PDE4D: variants seen among roughly 807,000 people sequenced by gnomAD.
PDE4D encodes phosphodiesterase 4D.
Under a neutral mutation model 87.4 loss-of-function variants are expected in PDE4D, and 24 were observed. The ratio of observed to expected loss-of-function variants is 0.27; its 90% confidence interval spans 0.20 to 0.39. PDE4D has a LOEUF of 0.39. Among genes scored for constraint, PDE4D ranks in the 10% least tolerant of loss-of-function variants. The probability of loss-of-function intolerance (pLI) is 1.00; values close to 1 mark genes in which losing one functional copy is unlikely to be tolerated. For synonymous variants in PDE4D, 384 were observed against 383.2 expected, an observed-to-expected ratio of 1.00 and a Z score of -0.02; for missense variants, 714 against 1,041.0, an observed-to-expected ratio of 0.69 and a Z score of 4.32.
intron 5 of PDE4D, among the ~76,000 whole-genome samples, chr5:59,146,094 T>A (rs573158612): frequency 1.3e-5 from 2 of 152,302 alleles, no homozygotes; most frequent in South Asian, 4.1e-4. Flanking sequence ...GCCACTGCAC[T>A]CCAGCCTGGG....
At chr5:59,447,548 C>T (rs1798526602) in intron 1 of PDE4D, among the ~76,000 whole-genome samples, 1 of 152,128 alleles carries the variant, frequency 6.6e-6, no homozygotes, top group South Asian at 2.1e-4. Flanking sequence ...CAAATTATCA[C>T]AGGATAGATG....
intron 1 of PDE4D, among the ~76,000 whole-genome samples, chr5:60,343,688 C>T (rs958561099): frequency 2.0e-5 from 3 of 152,000 alleles, no homozygotes; most frequent in African/African-American, 7.2e-5. Flanking sequence ...ATGGGAACAC[C>T]AAGATATTTC....
In PDE4D at chr5:59,082,823, T is replaced by C. The variant is rs1349925174; in HGVS notation, c.809-43852A>G. On this transcript the variant is annotated intron_variant, in intron 5 of 14. Coordinates refer to ENST00000340635, the MANE Select transcript of PDE4D (RefSeq NM_001104631.2). ...CTTAATTATGCAATTCGAAATGTGA[T>C]GTCTACTTTCTTCTTGAAAGCATTT... 7.2e-5 allele frequency among the ~76,000 whole-genome samples: 11 copies of C among 152,280 alleles called. No homozygotes were observed. The East Asian group carries it at 2.1e-3, about 29-fold the overall frequency.
intron 1 of PDE4D, among the ~76,000 whole-genome samples, chr5:59,309,508 C>T (rs1772140706): frequency 6.6e-6 from 1 of 152,170 alleles, no homozygotes; most frequent in Non-Finnish European, 1.5e-5. Context: ...TCAGAAACTT[C>T]TCTTGCAAAC....
intron 1 of PDE4D, among the ~76,000 whole-genome samples, chr5:59,448,566 GTGTTT>G (rs1027069920): frequency 5.1e-4 from 77 of 152,284 alleles, no homozygotes; most frequent in Non-Finnish European, 1.1e-3. Flanking sequence ...AGTCTCAAAT[GTGTTT>G]TGTTTTGTTT....
At chr5:59,346,769 C>A (rs908198242) in intron 1 of PDE4D, among the ~76,000 whole-genome samples, 5 of 152,134 alleles carry the variant, frequency 3.3e-5, no homozygotes, top group Non-Finnish European at 5.9e-5. Flanking sequence ...CACTGAGGAC[C>A]TCCTGAACAA....
At chr5:60,356,773 T>G (rs1229076907) in intron 1 of PDE4D, among the ~76,000 whole-genome samples, 1 of 152,222 alleles carries the variant, frequency 6.6e-6, no homozygotes, top group Non-Finnish European at 1.5e-5. Context: ...TTTGCTTCAT[T>G]TAGCTTTCAT....
intron 1 of PDE4D, among the ~76,000 whole-genome samples, chr5:59,643,212 G>A (rs1245827055): frequency 6.6e-6 from 1 of 152,150 alleles, no homozygotes; most frequent in African/African-American, 2.4e-5. Context: ...CCAGCATAAG[G>A]AGGAGGGATC....
intron 1 of PDE4D, among the ~76,000 whole-genome samples, chr5:59,594,764 G>C (rs1826433454): frequency 6.6e-6 from 1 of 152,194 alleles, no homozygotes; most frequent in African/African-American, 2.4e-5. Context: ...AGACATGCCA[G>C]AGATGTTGGA....
intron 1 of PDE4D, among the ~76,000 whole-genome samples, chr5:59,813,445 TACACACACACACACACAC>T (rs35313403): frequency 7.0e-6 from 1 of 143,066 alleles, no homozygotes; most frequent in Admixed American, 7.4e-5. Context: ...CATACACTTG[TACACACACACACACACAC>T]ACACACACAC....
At chr5:60,406,160 T>C (rs1237022705) in intron 1 of PDE4D, among the ~76,000 whole-genome samples, 4 of 152,198 alleles carry the variant, frequency 2.6e-5, no homozygotes, top group African/African-American at 7.2e-5. Flanking sequence ...TGCAGTGACA[T>C]AGAATGGATA....
intron 6 of PDE4D, chr5:59,002,064 A>G (rs75394959): frequency 0.063 from 32,103 of 513,172 alleles, 1,376 homozygotes; most frequent in Non-Finnish European, 0.084. Flanking sequence ...ATTCCTTACC[A>G]TTACCCCTCC....
intron 1 of PDE4D, among the ~76,000 whole-genome samples, chr5:60,352,568 A>C (rs1287725468): frequency 6.6e-6 from 1 of 152,250 alleles, no homozygotes; most frequent in Non-Finnish European, 1.5e-5. Flanking sequence ...AGAAATAAGC[A>C]GCCTTAGACA....
chr5:59,836,342 T>C (rs925136016), intron 1 of PDE4D, among the ~76,000 whole-genome samples: 9 of 152,088 alleles, frequency 5.9e-5, no homozygotes, highest in Non-Finnish European at 1.0e-4. Context: ...TCAACAAATA[T>C]GTATTTCTTT....
intron 1 of PDE4D, among the ~76,000 whole-genome samples, chr5:59,406,030 T>A (rs1331923591): frequency 6.6e-6 from 1 of 152,202 alleles, no homozygotes; most frequent in Non-Finnish European, 1.5e-5. Context: ...GGTATGAGGG[T>A]AATACTGGCC....
At chr5:59,340,993 C>G (rs770440579) in intron 1 of PDE4D, among the ~76,000 whole-genome samples, 1 of 152,148 alleles carries the variant, frequency 6.6e-6, no homozygotes, top group South Asian at 2.1e-4. Flanking sequence ...TAACCCTATA[C>G]ACAGTATTAG....
intron 1 of PDE4D, among the ~76,000 whole-genome samples, chr5:59,442,819 A>C (rs1797840836): frequency 6.6e-6 from 1 of 152,220 alleles, no homozygotes; most frequent in Non-Finnish European, 1.5e-5. Flanking sequence ...TTGCCATAGA[A>C]GTTCACAGAG....
At chr5:60,102,945 T>C (rs1340528202) in intron 2 of PDE4D, among the ~76,000 whole-genome samples, 1 of 151,552 alleles carries the variant, frequency 6.6e-6, no homozygotes. Flanking sequence ...TCTTTTCTAC[T>C]TGCAATTTTC....
chr5:60,058,478 A>G lies in PDE4D; in HGVS notation c.43-69761T>C, dbSNP rs1020557392. On this transcript the variant is annotated intron_variant, in intron 2 of 16. Coordinates refer to the PDE4D transcript ENST00000502484. ...TCTTACTCTTTTCCTTTTCAGTGTTAGCACTGTTATTATAAAATTGTCTAT... is the reference window on the plus strand; with the variant it reads ...TCTTACTCTTTTCCTTTTCAGTGTTGGCACTGTTATTATAAAATTGTCTAT... Among the ~76,000 whole-genome samples, 5 of 151,990 alleles carry G rather than the reference A, an allele frequency of 3.3e-5. No individual in the cohort carries two copies. In the East Asian group the frequency reaches 7.7e-4, roughly 23 times the overall value.
Sources: gnomAD v4.1 joint callset for allele counts (sites outside exome capture counted in the v4.1 genomes callset) on GRCh38, gnomAD v4.1.1 for gene constraint, MANE v1.5 for transcripts, NCBI Gene and HGNC (gene_info 2026-07-23, HGNC 2026-07-21) for gene names.